The following KDM4C variants were observed in gnomAD, a reference collection of about 807,000 sequenced individuals.
KDM4C encodes lysine-specific demethylase 4C.
KDM4C carries 81 observed loss-of-function variants against 129.3 expected under a neutral mutation model. The ratio of observed to expected loss-of-function variants is 0.63; its 90% CI spans 0.52 to 0.75. KDM4C has a LOEUF of 0.75. Among genes scored for constraint, KDM4C ranks in the 30% least tolerant of loss-of-function variants. The pLI is 0.00. For synonymous variants in KDM4C, 573 were observed against 456.1 expected, an observed-to-expected ratio of 1.26 and a Z score of -3.26; for missense variants, 1,457 against 1,304.0, an observed-to-expected ratio of 1.12 and a Z score of -1.81.
intron 17 of KDM4C, among the ~76,000 whole-genome samples, chr9:7,078,945 G>T (rs75431792): frequency 0.011 from 1,601 of 152,276 alleles, 21 homozygotes; most frequent in African/African-American, 0.037. Context: ...TTATACATCA[G>T]TGCCCAGGTT....
chr9:6,953,675 C>G (rs1025988782), intron 8 of KDM4C, among the ~76,000 whole-genome samples: 1 of 152,092 alleles, frequency 6.6e-6, no homozygotes, highest in Non-Finnish European at 1.5e-5. Context: ...TCTTGCTGAT[C>G]CTCAGATATG....
intron 9 of KDM4C, 85 bp from the exon 10 acceptor site, chr9:6,984,081 A>C: frequency 1.2e-6 from 1 of 801,882 alleles, no homozygotes; most frequent in Non-Finnish European, 2.1e-6. Flanking sequence ...TTCTTTAAGC[A>C]AGTGAAAATG....
chr9:6,782,114 A>G (rs1185660247), intron 1 of KDM4C, among the ~76,000 whole-genome samples: 1 of 152,264 alleles, frequency 6.6e-6, no homozygotes, highest in Non-Finnish European at 1.5e-5. Flanking sequence ...GTGAGCCACC[A>G]TGCCTGGCCT....
chr9:7,045,734 T>C (rs1429651704), intron 15 of KDM4C, among the ~76,000 whole-genome samples: 1 of 152,074 alleles, frequency 6.6e-6, no homozygotes, highest in Non-Finnish European at 1.5e-5. Flanking sequence ...CAGAGACTTT[T>C]CAGACACACA....
At chr9:6,770,710 CT>C (rs60353218) in intron 1 of KDM4C, among the ~76,000 whole-genome samples, 19,028 of 79,140 alleles carry the variant, frequency 0.24, 1,756 homozygotes, top group East Asian at 0.44. Flanking sequence ...TTTTCAACGT[CT>C]TTTTTTTTTT....
At chr9:7,077,251 C>T in intron 17 of KDM4C, 16 of 983,104 alleles carry the variant, frequency 1.6e-5, no homozygotes, top group Non-Finnish European at 1.8e-5. Context: ...ATTAAAGATG[C>T]CATTTGCATG....
chr9:7,026,385 A>T (rs1006668774), intron 15 of KDM4C, among the ~76,000 whole-genome samples: 1 of 151,452 alleles, frequency 6.6e-6, no homozygotes, highest in Admixed American at 6.6e-5. Context: ...TTCTTTCAGC[A>T]CTTTAAATAT....
intron 15 of KDM4C, among the ~76,000 whole-genome samples, chr9:7,043,680 C>G (rs1828949837): frequency 1.3e-5 from 2 of 151,216 alleles, no homozygotes; most frequent in African/African-American, 4.9e-5. Flanking sequence ...TGGTTGTTTC[C>G]TACTTTTTTT....
At chr9:6,867,178 G>A (rs560679938) in intron 5 of KDM4C, among the ~76,000 whole-genome samples, 4 of 151,932 alleles carry the variant, frequency 2.6e-5, no homozygotes, top group South Asian at 2.1e-4. Flanking sequence ...TACACACCCA[G>A]CTAATTTTTT....
At chr9:6,807,892 G>T (rs917175902) in intron 3 of KDM4C, among the ~76,000 whole-genome samples, 1 of 143,586 alleles carries the variant, frequency 7.0e-6, no homozygotes, top group Admixed American at 6.8e-5. Context: ...GGAGGGAGGT[G>T]GGGGTGTCAG....
chr9:6,824,346 T>G (rs1484039098), intron 4 of KDM4C, among the ~76,000 whole-genome samples: 1 of 152,094 alleles, frequency 6.6e-6, no homozygotes, highest in East Asian at 1.9e-4. Context: ...CTGTGAAAAA[T>G]ATTGTGATCT....
At chr9:6,970,728 G>A (rs818899) in intron 8 of KDM4C, among the ~76,000 whole-genome samples, 60,298 of 151,532 alleles carry the variant, frequency 0.4, 12,226 homozygotes, top group South Asian at 0.46. Flanking sequence ...ACAAAGGGAA[G>A]GAGAAAGTAT....
In KDM4C at chr9:6,954,582, T is replaced by C. The variant is rs190702991; in HGVS notation, c.922-26343T>C. ...CTATCTATAAAATTATATGAAAAAT[T>C]CTTATATATGTTAATAATGTGCAGG... On this transcript the variant is annotated intron_variant, in intron 8 of 21. Transcript: ENST00000381309. Among the ~76,000 whole-genome samples the C allele has an allele frequency of 5.8e-3, 888 of 152,318 alleles. 8 individuals are homozygous for C. The highest frequency in any genetic ancestry group is 9.5e-3 in the Non-Finnish European group (646 of 68,030).
upstream of KDM4C, among the ~76,000 whole-genome samples, chr9:6,754,557 C>G (rs577158677): frequency 1.5e-4 from 23 of 152,178 alleles, no homozygotes; most frequent in Admixed American, 1.2e-3. Context: ...TCAACAGATT[C>G]AAAATTAGAC....
intron 20 of KDM4C, among the ~76,000 whole-genome samples, 187 bp from the exon 21 acceptor site, chr9:7,169,611 C>T (rs536410070): frequency 2.8e-4 from 42 of 152,314 alleles, no homozygotes; most frequent in African/African-American, 7.7e-4. Context: ...GGATTACAGG[C>T]GTGAGCCACC....
chr9:6,761,192 A>G (rs1819421448), intron 1 of KDM4C, among the ~76,000 whole-genome samples: 1 of 151,624 alleles, frequency 6.6e-6, no homozygotes, highest in African/African-American at 2.4e-5. Context: ...GTATTTTTGT[A>G]GAGACAGGGT....
chr9:7,076,808 CCTA>C (rs1833976844), intron 17 of KDM4C: 1 of 1,024,132 alleles, frequency 9.8e-7, no homozygotes, highest in Non-Finnish European at 1.2e-6. Context: ...TCCAACGTGT[CCTA>C]CTACAGCCTC....
intron 8 of KDM4C, among the ~76,000 whole-genome samples, chr9:6,929,381 C>A (rs1480380099): frequency 1.3e-5 from 2 of 151,730 alleles, no homozygotes; most frequent in African/African-American, 4.8e-5. Context: ...TGTGTTTATT[C>A]TTCCATTTCC....
At chr9:6,750,394 G>A (rs762713645) in intron 1 of KDM4C, among the ~76,000 whole-genome samples, 2 of 151,310 alleles carry the variant, frequency 1.3e-5, no homozygotes, top group South Asian at 2.1e-4. Context: ...AGCCGAGATC[G>A]TGTCATTGCA....
Sources: allele counts gnomAD v4.1 joint callset (sites outside exome capture counted in the v4.1 genomes callset), GRCh38; gene constraint gnomAD v4.1.1; transcripts MANE v1.5; gene names NCBI Gene and HGNC (gene_info 2026-07-23, HGNC 2026-07-21).